The following TMED10 variants were observed in gnomAD, a reference collection of about 807,000 sequenced individuals.
TMED10 encodes the protein transmembrane emp24 domain-containing protein 10.
A neutral mutation model predicts 23.1 loss-of-function variants in TMED10; 7 were observed. That is an observed-to-expected ratio of 0.30 (90% CI 0.17 to 0.57). The LOEUF (loss-of-function observed/expected upper bound fraction) is 0.57, where lower values mean the gene tolerates loss of function less well. Among genes scored for constraint, TMED10 ranks in the 20% least tolerant of loss-of-function variants. The pLI is 0.91. For synonymous variants in TMED10, 113 were observed against 106.9 expected, an observed-to-expected ratio of 1.06 and a Z score of -0.35; for missense variants, 162 against 274.8, an observed-to-expected ratio of 0.59 and a Z score of 2.90.
intron 1 of TMED10, among the ~76,000 whole-genome samples, chr14:75,165,598 C>T (rs969396677): frequency 2.0e-5 from 3 of 152,180 alleles, no homozygotes; most frequent in African/African-American, 7.2e-5. Flanking sequence ...TTAGGTGCTA[C>T]ATTTAATGGG....
rs1347071165 is a variant in TMED10, at chr14:75,133,800, T to C, written c.*1085A>G. 7.9e-6 allele frequency: 2 copies of C among 254,088 alleles called. No individual in the cohort carries two copies. The highest frequency in any genetic ancestry group is 1.5e-5 in the Non-Finnish European group (2 of 131,848). 15.7% of individuals were successfully genotyped at this position (254,088 alleles called of 1,614,324 possible). On this transcript the variant is annotated 3_prime_UTR_variant, in exon 5 of 5. Coordinates refer to ENST00000303575, the MANE Select transcript of TMED10 (RefSeq NM_006827.6). ...AGCAAACTGTGGTACATCCATACCA[T>C]GGAATACTACTCAGCAATCAAAAGG...
At chr14:75,161,824 A>AC (rs1896088614) in intron 1 of TMED10, among the ~76,000 whole-genome samples, 1 of 151,804 alleles carries the variant, frequency 6.6e-6, no homozygotes, top group Non-Finnish European at 1.5e-5. Context: ...TGCATTTAAA[A>AC]AAAAAAAAAA....
intron 3 of TMED10, among the ~76,000 whole-genome samples, chr14:75,142,772 A>G (rs527830484): frequency 1.2e-4 from 18 of 152,290 alleles, no homozygotes; most frequent in African/African-American, 4.3e-4. Flanking sequence ...AAAGAAGCCA[A>G]CTTTCTCAAA....
intron 3 of TMED10, among the ~76,000 whole-genome samples, chr14:75,147,178 C>T (rs975599424): frequency 1.7e-5 from 2 of 116,154 alleles, no homozygotes; most frequent in African/African-American, 7.4e-5. Flanking sequence ...AATTATTCTT[C>T]AAGGCTGTTT....
intron 1 of TMED10, among the ~76,000 whole-genome samples, chr14:75,166,810 C>T (rs368742558): frequency 2.0e-5 from 3 of 152,082 alleles, no homozygotes; most frequent in Admixed American, 6.5e-5. Flanking sequence ...ACAACAGTCA[C>T]GTTAAATTCA....
intron 3 of TMED10, among the ~76,000 whole-genome samples, chr14:75,141,944 A>T (rs546144654): frequency 6.6e-6 from 1 of 152,346 alleles, no homozygotes; most frequent in South Asian, 2.1e-4. Flanking sequence ...TGGACTAAGC[A>T]TTCAATACAT....
At chr14:75,135,971 A>T in intron 3 of TMED10, 85 bp from the exon 4 acceptor site, 1 of 1,552,394 alleles carries the variant, frequency 6.4e-7, no homozygotes, top group Non-Finnish European at 8.7e-7. Flanking sequence ...AGTCTTTTTT[A>T]AAGTTTCACC....
chr14:75,171,783 G>A (rs1212373343), intron 1 of TMED10, among the ~76,000 whole-genome samples: 1 of 65,996 alleles, frequency 1.5e-5, no homozygotes, highest in Non-Finnish European at 3.6e-5. Flanking sequence ...TAAATCTGTG[G>A]TAATTTGTTA....
At chr14:75,170,559 T>C (rs907780487) in intron 1 of TMED10, among the ~76,000 whole-genome samples, 2 of 152,032 alleles carry the variant, frequency 1.3e-5, no homozygotes, top group Non-Finnish European at 2.9e-5. Context: ...AAGGGACAAA[T>C]TGGGCATAAA....
intron 3 of TMED10, among the ~76,000 whole-genome samples, chr14:75,145,511 C>T (rs946660845): frequency 2.0e-5 from 3 of 152,148 alleles, no homozygotes; most frequent in South Asian, 2.1e-4. Flanking sequence ...TTGGGCTGGG[C>T]GCGGTGCCTC....
intron 3 of TMED10, among the ~76,000 whole-genome samples, chr14:75,147,188 T>G (rs1463637177): frequency 0.069 from 410 of 5,940 alleles, 4 homozygotes; most frequent in Admixed American, 0.4. Context: ...CAAGGCTGTT[T>G]TTTTTTTTTT....
At chr14:75,175,844 T>C (rs1424823814) in intron 1 of TMED10, 1 of 156,646 alleles carries the variant, frequency 6.4e-6, no homozygotes, top group East Asian at 1.9e-4. Flanking sequence ...GGGCTAACAG[T>C]ACCTACCTAC....
intron 1 of TMED10, among the ~76,000 whole-genome samples, chr14:75,170,959 C>T (rs1235581107): frequency 6.6e-6 from 1 of 152,088 alleles, no homozygotes; most frequent in Admixed American, 6.6e-5. Context: ...GGGCTATTAC[C>T]ACCCGGGTAG....
At chr14:75,171,589 A>C (rs1896234352) in intron 1 of TMED10, among the ~76,000 whole-genome samples, 1 of 118,262 alleles carries the variant, frequency 8.5e-6, no homozygotes, top group Admixed American at 8.2e-5. Context: ...CTGGCTTTAA[A>C]GATGGAGGAA....
chr14:75,145,843 A>G (rs555090396), intron 3 of TMED10, among the ~76,000 whole-genome samples: 2 of 152,318 alleles, frequency 1.3e-5, no homozygotes, highest in South Asian at 4.1e-4. Context: ...GAAAAAGATT[A>G]CAATAGGTAA....
chr14:75,148,439 G>A (rs1895914652), intron 2 of TMED10, among the ~76,000 whole-genome samples: 1 of 151,910 alleles, frequency 6.6e-6, no homozygotes, highest in Non-Finnish European at 1.5e-5. Flanking sequence ...AAATCTCAGG[G>A]ATGCTTCTTA....
At chr14:75,135,378 T>C (rs192548422) in intron 4 of TMED10, among the ~76,000 whole-genome samples, 1 of 152,198 alleles carries the variant, frequency 6.6e-6, no homozygotes, top group Admixed American at 6.5e-5. Context: ...AGGCGGAGGT[T>C]GCAGTGAGCC....
chr14:75,151,738 G>A (rs1895958194), intron 2 of TMED10, among the ~76,000 whole-genome samples: 1 of 152,090 alleles, frequency 6.6e-6, no homozygotes, highest in African/African-American at 2.4e-5. Context: ...ATTCACTCTT[G>A]GTGTACATTC....
At chr14:75,164,286 C>T (rs918386783) in intron 1 of TMED10, among the ~76,000 whole-genome samples, 21 of 141,438 alleles carry the variant, frequency 1.5e-4, no homozygotes, top group Non-Finnish European at 3.0e-4. Context: ...GGCTGGAGTG[C>T]AGTGGCACGA....
Sources: gnomAD v4.1 joint callset for allele counts (sites outside exome capture counted in the v4.1 genomes callset) on GRCh38, gnomAD v4.1.1 for gene constraint, MANE v1.5 for transcripts, NCBI Gene and HGNC (gene_info 2026-07-23, HGNC 2026-07-21) for gene names.